Variants in IGF2R observed in about 807,000 individuals in gnomAD.
IGF2R encodes the protein cation-independent mannose-6-phosphate receptor.
A neutral mutation model predicts 270.6 loss-of-function variants in IGF2R; 91 were observed. That is an observed-to-expected ratio of 0.34 (90% CI 0.28 to 0.40). The LOEUF is 0.40. Ranked by LOEUF, IGF2R falls within the 10% of genes least tolerant of loss-of-function variation. The pLI, the probability that IGF2R is intolerant of heterozygous loss-of-function variation, is 1.00. For missense variants in IGF2R, 2,805 were observed against 3,188.3 expected (o/e 0.88, Z 2.90); for synonymous variants, 1,316 against 1,258.9 (o/e 1.05, Z -0.96).
At chr6:160,026,343 C>T (rs1228433971) in intron 5 of IGF2R, among the ~76,000 whole-genome samples, 1 of 152,148 alleles carries the variant, frequency 6.6e-6, no homozygotes, top group Non-Finnish European at 1.5e-5. Flanking sequence ...GTAGATAACC[C>T]TCTCCATCTT....
intron 2 of IGF2R, 42 bp downstream of exon 2, chr6:159,991,365 T>A (rs1399650906): frequency 3.8e-6 from 6 of 1,587,048 alleles, no homozygotes; most frequent in Non-Finnish European, 5.2e-6. Flanking sequence ...GCAATATGAT[T>A]CCCCAATTTT....
intron 21 of IGF2R, 93 bp downstream of exon 21, chr6:160,058,217 C>G: frequency 1.2e-6 from 1 of 813,740 alleles, no homozygotes; most frequent in Non-Finnish European, 2.1e-6. Flanking sequence ...GAGAGAATTG[C>G]CCAGGCCACT....
At chr6:160,020,808 C>T (rs1277481389) in intron 4 of IGF2R, among the ~76,000 whole-genome samples, 7 of 152,076 alleles carry the variant, frequency 4.6e-5, no homozygotes, top group South Asian at 2.1e-4. Context: ...GTCGGATTAG[C>T]GACTTGAATG....
At chr6:159,993,985 A>ATT (rs59369382) in intron 2 of IGF2R, among the ~76,000 whole-genome samples, 3,327 of 61,006 alleles carry the variant, frequency 0.055, 363 homozygotes, top group Non-Finnish European at 0.058. Flanking sequence ...CTCCAACTTG[A>ATT]TTTTTTTTTT....
intron 25 of IGF2R, 80 bp downstream of exon 25, chr6:160,062,008 T>A: frequency 1.4e-6 from 2 of 1,387,310 alleles, no homozygotes; most frequent in Non-Finnish European, 2.0e-6. Flanking sequence ...GAATCTTCTA[T>A]CTTGTTTAAA....
intron 31 of IGF2R, among the ~76,000 whole-genome samples, chr6:160,070,892 G>T (rs533093356): frequency 5.3e-4 from 80 of 152,328 alleles, no homozygotes; most frequent in Non-Finnish European, 8.2e-4. Context: ...TGGGAAGATT[G>T]TGCAGAGGCT....
rs190761975 is a variant in IGF2R at position 160,057,144 on chromosome 6, C to T, written c.2796+619C>T. On this transcript the variant is annotated intron_variant, in intron 20 of 47. Coordinates refer to ENST00000356956, the MANE Select transcript of IGF2R (RefSeq NM_000876.4). ...ATAGGGTGAGGCCTGTGTGTCTCAC[C>T]GTGGCCCTGTGCATAGTGCAGAGCC... is the stretch of plus-strand genomic sequence containing the variant. Among the ~76,000 whole-genome samples, 20 of 152,164 alleles carry T rather than the reference C, an allele frequency of 1.3e-4. 1 individual carries two copies. In the East Asian group the frequency reaches 3.3e-3, roughly 25 times the overall value.
At chr6:160,086,750 G>C (rs950668097) in intron 41 of IGF2R, among the ~76,000 whole-genome samples, 2 of 152,150 alleles carry the variant, frequency 1.3e-5, no homozygotes, top group Non-Finnish European at 2.9e-5. Flanking sequence ...TGAGAGCCTA[G>C]AGTCCCACCT....
At chr6:160,056,186 C>T (rs1778313251) in intron 19 of IGF2R, among the ~76,000 whole-genome samples, 1 of 152,178 alleles carries the variant, frequency 6.6e-6, no homozygotes, top group Non-Finnish European at 1.5e-5. Flanking sequence ...CCATTTACTG[C>T]TGGCACGATT....
In IGF2R at chr6:160,031,651, G is replaced by A. The variant is rs1446964335; in HGVS notation, c.883-900G>A. ...CATGTGTCAGACTGCACTGAGCCAC[G>A]TGGGCAGAAGCATCGATTATGAGTC... On this transcript the variant is annotated intron_variant, in intron 7 of 47. Transcript: ENST00000356956. Among the ~76,000 whole-genome samples the A allele has an allele frequency of 2.6e-5, 4 of 152,160 alleles. 1 individual carries two copies. The South Asian group carries it at 6.2e-4, about 24-fold the overall frequency.
rs772168682 is a variant in IGF2R, at chr6:160,084,104, C to T, written c.5988C>T (p.Phe1996=). ...CTCCAAAGAAGTTGGAGTGCAAATT[C>T]GTCCAGAAACACAAAACCTACGACC... is the stretch of plus-strand genomic sequence containing the variant. ...VCPPKKLECK[F]VQKHKTYDLR... The change falls in exon 40 of 48, where the codon TTC becomes TTT. Residue 1996 remains phenylalanine (F), a synonymous_variant. Transcript: ENST00000356956. The surrounding 1 kb of genome is among the most constrained non-coding windows in gnomAD (Gnocchi z 4.6). 1.5e-5 allele frequency: 25 copies of T among 1,614,048 alleles called. No individual in the cohort carries two copies. The highest frequency in any genetic ancestry group is 2.7e-5 in the African/African-American group (2 of 74,920).
chr6:160,086,062 T>G (rs1273901186), intron 41 of IGF2R, among the ~76,000 whole-genome samples: 4 of 152,208 alleles, frequency 2.6e-5, no homozygotes, highest in African/African-American at 9.7e-5. Context: ...TTCCCCAACT[T>G]CAGCCAACTG....
chr6:160,059,683 C>CG (rs1376220883), intron 22 of IGF2R, among the ~76,000 whole-genome samples: 1 of 152,234 alleles, frequency 6.6e-6, no homozygotes, highest in Non-Finnish European at 1.5e-5. Flanking sequence ...GTCCACAGTA[C>CG]GGCCATGGGA....
chr6:160,059,038 C>T lies in IGF2R; in HGVS notation c.3031C>T (p.Leu1011Phe). ...AAGGCCAGTCGGAATTGAGAAAAGCCTCCAGCTGTCCACAGAGGGCTTCAT... is the reference window on the plus strand; with the variant it reads ...AAGGCCAGTCGGAATTGAGAAAAGCTTCCAGCTGTCCACAGAGGGCTTCAT... ...PARPVGIEKS[L>F]QLSTEGFITL... The change falls in exon 22 of 48, where the codon CTC becomes TTC. Residue 1011 changes from leucine (L) to phenylalanine (F), a missense_variant. Leu to Phe is a conservative substitution (Grantham distance 22, BLOSUM62 0). This residue lies in a region of IGF2R where 1,851 missense variants were observed against 2,207.2 expected (regional missense o/e 0.84). Coordinates refer to ENST00000356956, the MANE Select transcript of IGF2R (RefSeq NM_000876.4). 1 of 1,614,250 alleles carries T rather than the reference C, an allele frequency of 6.2e-7. No individual in the cohort carries two copies. The highest frequency in any genetic ancestry group is 8.5e-7 in the Non-Finnish European group (1 of 1,180,056).
chr6:160,069,620 C>T (rs1260400688), intron 30 of IGF2R, among the ~76,000 whole-genome samples: 2 of 152,154 alleles, frequency 1.3e-5, no homozygotes, highest in Non-Finnish European at 2.9e-5. Context: ...CTGCTACAGC[C>T]TAGCTATTCC....
At chr6:159,976,646 CT>C (rs146057799) in intron 1 of IGF2R, among the ~76,000 whole-genome samples, 23 of 150,316 alleles carry the variant, frequency 1.5e-4, no homozygotes, top group Admixed American at 6.0e-4. Context: ...GATTCTGATA[CT>C]TTTTTTTTTC....
At chr6:160,010,073 C>T (rs1688518212) in intron 3 of IGF2R, among the ~76,000 whole-genome samples, 1 of 152,178 alleles carries the variant, frequency 6.6e-6, no homozygotes, top group South Asian at 2.1e-4. Flanking sequence ...CAGCTAATTT[C>T]CTTTATGAAT....
chr6:160,039,354 C>T (rs551185597), intron 10 of IGF2R, among the ~76,000 whole-genome samples: 2 of 152,102 alleles, frequency 1.3e-5, no homozygotes, highest in African/African-American at 4.8e-5. Context: ...TTGAGGCTAC[C>T]GTTTTATATG....
At chr6:160,092,530 C>T (rs1276418673) in intron 44 of IGF2R, among the ~76,000 whole-genome samples, 1 of 152,220 alleles carries the variant, frequency 6.6e-6, no homozygotes. Context: ...TTCACCAGCC[C>T]CAGGAAGTAG....
Sources: allele counts gnomAD v4.1 joint callset (sites outside exome capture counted in the v4.1 genomes callset), GRCh38; gene constraint gnomAD v4.1.1; regional missense constraint gnomAD v4.1.1; non-coding constraint Gnocchi (gnomAD v3.1); transcripts MANE v1.5; gene names NCBI Gene and HGNC (gene_info 2026-07-23, HGNC 2026-07-21).